ADCY2: variants seen among roughly 807,000 people sequenced by gnomAD.
The protein encoded by ADCY2 is adenylate cyclase type 2.
A neutral mutation model predicts 125.2 loss-of-function variants in ADCY2; 31 were observed. The observed-to-expected ratio is 0.25, with a 90% confidence interval of 0.19 to 0.33. ADCY2 has a LOEUF of 0.33. ADCY2 is among the 10% of genes least tolerant of loss of function. ADCY2 has a pLI of 1.00. For synonymous variants in ADCY2, 512 were observed against 548.4 expected (o/e 0.93, Z 0.93); for missense variants, 904 against 1,418.2 (o/e 0.64, Z 5.82).
chr5:7,687,031 G>A (rs943197094), intron 4 of ADCY2, among the ~76,000 whole-genome samples: 1 of 152,134 alleles, frequency 6.6e-6, no homozygotes, highest in Non-Finnish European at 1.5e-5. Context: ...TGAATGATGG[G>A]GGAAGGCTTG....
At chr5:7,424,057 T>C (rs575554784) in intron 2 of ADCY2, among the ~76,000 whole-genome samples, 1 of 152,356 alleles carries the variant, frequency 6.6e-6, no homozygotes, top group South Asian at 2.1e-4. Flanking sequence ...TTGTACCCCA[T>C]AACTTTGTAC....
chr5:7,545,040 G>A (rs557337695), intron 3 of ADCY2, among the ~76,000 whole-genome samples: 2 of 152,286 alleles, frequency 1.3e-5, no homozygotes, highest in South Asian at 4.2e-4. Context: ...GCGAGAGAGC[G>A]AGCATAGGAG....
chr5:7,446,537 AATACATACATACATACATAC>A (rs59436276), intron 2 of ADCY2, among the ~76,000 whole-genome samples: 2 of 150,724 alleles, frequency 1.3e-5, no homozygotes, highest in East Asian at 2.0e-4. Flanking sequence ...CTCTGAAATA[AATACATACATACATACATAC>A]ATACATACAT....
At chr5:7,445,089 T>C (rs1741190782) in intron 2 of ADCY2, among the ~76,000 whole-genome samples, 1 of 152,244 alleles carries the variant, frequency 6.6e-6, no homozygotes, top group Non-Finnish European at 1.5e-5. Flanking sequence ...AAGTTCTATT[T>C]TAAGTTTTTA....
intron 3 of ADCY2, among the ~76,000 whole-genome samples, chr5:7,610,489 C>T (rs1296239966): frequency 6.6e-6 from 1 of 151,618 alleles, no homozygotes; most frequent in East Asian, 1.9e-4. Flanking sequence ...AGAGTAGTTT[C>T]GGTGGTGCCT....
At chr5:7,701,781 C>T (rs1329335809) in intron 7 of ADCY2, among the ~76,000 whole-genome samples, 1 of 152,180 alleles carries the variant, frequency 6.6e-6, no homozygotes, top group African/African-American at 2.4e-5. Flanking sequence ...TGTCACTCAG[C>T]CTAGTGTTGT....
chr5:7,557,596 C>G (rs1217135006), intron 3 of ADCY2, among the ~76,000 whole-genome samples: 1 of 152,116 alleles, frequency 6.6e-6, no homozygotes, highest in Non-Finnish European at 1.5e-5. Flanking sequence ...ATTTAGCTCT[C>G]AGTTATAAGT....
chr5:7,548,928 A>G (rs1735238105), intron 3 of ADCY2, among the ~76,000 whole-genome samples: 1 of 152,152 alleles, frequency 6.6e-6, no homozygotes, highest in Non-Finnish European at 1.5e-5. Context: ...GAGTGCATTC[A>G]TTTGTCCTGA....
intron 2 of ADCY2, among the ~76,000 whole-genome samples, chr5:7,443,401 C>G (rs552365722): frequency 1.3e-5 from 2 of 151,768 alleles, no homozygotes; most frequent in South Asian, 4.2e-4. Flanking sequence ...ACCTGTAATC[C>G]CAGCACTTTG....
At chr5:7,730,327 T>C (rs1419909163) in intron 14 of ADCY2, among the ~76,000 whole-genome samples, 2 of 152,222 alleles carry the variant, frequency 1.3e-5, no homozygotes, top group Admixed American at 1.3e-4. Flanking sequence ...CAATTGTGAA[T>C]TGAATTTTAA....
At chr5:7,430,626 A>T (rs1353833884) in intron 2 of ADCY2, among the ~76,000 whole-genome samples, 1 of 149,666 alleles carries the variant, frequency 6.7e-6, no homozygotes, top group Non-Finnish European at 1.5e-5. Context: ...AAGAATGCAG[A>T]GTTGGTTTAA....
intron 3 of ADCY2, among the ~76,000 whole-genome samples, chr5:7,559,271 G>A (rs1022031883): frequency 6.6e-6 from 1 of 152,150 alleles, no homozygotes; most frequent in Non-Finnish European, 1.5e-5. Context: ...TAGGCAATAT[G>A]GCCATTTTAA....
chr5:7,494,823 C>T (rs577929433), intron 2 of ADCY2, among the ~76,000 whole-genome samples: 13 of 152,278 alleles, frequency 8.5e-5, no homozygotes, highest in South Asian at 4.1e-4. Flanking sequence ...AAGAAACAGA[C>T]TTCATTTTGA....
intron 2 of ADCY2, among the ~76,000 whole-genome samples, chr5:7,457,752 G>A (rs183331324): frequency 1.1e-4 from 16 of 152,332 alleles, no homozygotes; most frequent in African/African-American, 3.6e-4. Context: ...CAGATCAAGA[G>A]TGGGGACCAA....
chr5:7,753,116 C>T (rs1350647441), intron 15 of ADCY2, among the ~76,000 whole-genome samples: 3 of 152,132 alleles, frequency 2.0e-5, no homozygotes. Flanking sequence ...CCAGGATAGT[C>T]TCAAACTCCT....
At chr5:7,699,692 A>G (rs74968550) in intron 7 of ADCY2, among the ~76,000 whole-genome samples, 11,377 of 152,186 alleles carry the variant, frequency 0.075, 799 homozygotes, top group Admixed American at 0.25. Flanking sequence ...GCCCAGAGTA[A>G]TCTGCCCACC....
intron 4 of ADCY2, among the ~76,000 whole-genome samples, chr5:7,675,044 A>G (rs531277132): frequency 1.3e-5 from 2 of 151,786 alleles, no homozygotes; most frequent in Non-Finnish European, 2.9e-5. Flanking sequence ...AGTCTCAGCT[A>G]CTCGAGAGGC....
rs754532650 is a variant in ADCY2, at chr5:7,501,131, TAA to T, written c.409-19593_409-19592del. On this transcript the variant is annotated intron_variant, in intron 2 of 24. Coordinates refer to ENST00000338316, the MANE Select transcript of ADCY2 (RefSeq NM_020546.3). ...TACAATTTAAATAAAAGCTTTTTTT[TAA>T]AAAAAAAAAAAAAGGTCTACATTTT... Among the ~76,000 whole-genome samples, 972 of 143,992 alleles carry T rather than the reference TAA, an allele frequency of 6.8e-3. 8 individuals are homozygous for T. The highest frequency in any genetic ancestry group is 0.02 in the African/African-American group (795 of 39,248). The allele number at this position is 143,992 out of a possible 152,430, so 94.5% of individuals were successfully genotyped here.
Position 7,757,509 on chromosome 5 carries a change from G to A in ADCY2, c.2017G>A (p.Ala673Thr). The stretch of plus-strand genomic sequence containing the variant: ...GCTTTTGAAGTCCTCGGGCATCATT[G>A]CCAACCGCCCCTGGCCACGGATCTC... ...MWLLKSSGII[A>T]NRPWPRISLT... Residue 673 changes from alanine (A) to threonine (T), a missense_variant, in exon 16 of 25, where the codon GCC (alanine) becomes ACC (threonine). Around this residue, in one of 7 missense-constraint regions of ADCY2, gnomAD observed 221 missense variants for 246.2 expected, o/e 0.90. Transcript: ENST00000338316. 1 of 1,613,936 alleles carries A rather than the reference G, an allele frequency of 6.2e-7. No individual in the cohort carries two copies. Among genetic ancestry groups the A allele is most frequent in the Non-Finnish European group, 8.5e-7 (1 of 1,179,990 alleles).
Sources: gnomAD v4.1 joint callset for allele counts (sites outside exome capture counted in the v4.1 genomes callset) on GRCh38, gnomAD v4.1.1 for gene constraint, gnomAD v4.1.1 regional missense constraint, MANE v1.5 for transcripts, NCBI Gene and HGNC (gene_info 2026-07-23, HGNC 2026-07-21) for gene names.